ALKBH6: variants seen among roughly 807,000 people sequenced by gnomAD.
ALKBH6 encodes the protein alkB homolog 6, nucleotide demethylase.
A neutral mutation model predicts 25.1 loss-of-function variants in ALKBH6; 20 were observed. The ratio of observed to expected loss-of-function variants is 0.80; its 90% CI spans 0.56 to 1.16. ALKBH6 has a LOEUF of 1.16. Among genes scored for constraint, ALKBH6 ranks in the 50% most tolerant of loss-of-function variants. ALKBH6 has a pLI of 0.00. For missense variants in ALKBH6, 263 were observed against 326.5 expected, an observed-to-expected ratio of 0.81 and a Z score of 1.50; for synonymous variants, 156 against 147.5, an observed-to-expected ratio of 1.06 and a Z score of -0.42.
At chr19:36,009,637 C>G in intron 6 of ALKBH6, 84 bp from the exon 7 acceptor site, 3 of 1,032,802 alleles carry the variant, frequency 2.9e-6, no homozygotes, top group Non-Finnish European at 3.7e-6. Context: ...CGGGGATCAG[C>G]TAGTCCCCAG....
rs776737494 is a variant in ALKBH6 at position 36,010,520 on chromosome 19, G to A, written c.453+47C>T. 10 of 1,506,262 alleles carry A rather than the reference G, an allele frequency of 6.6e-6. No homozygotes were observed. The highest frequency in any genetic ancestry group is 5.7e-5 in the South Asian group (5 of 87,694). The allele number at this position is 1,506,262 out of a possible 1,614,324, so 93.3% of individuals were successfully genotyped here. On this transcript the variant is annotated intron_variant, in intron 6 of 6. Transcript: ENST00000378875. This position sits in a 1 kb window ranked among gnomAD's most constrained non-coding sequence, Gnocchi z 5.5. Reference sequence around the variant, plus strand: ...GACCAGGTCATCTTGGAGGATGTGCGAGGTTGAAGTGCCTACAAGCAGCTG... The same window carrying A: ...GACCAGGTCATCTTGGAGGATGTGCAAGGTTGAAGTGCCTACAAGCAGCTG...
chr19:36,010,972 C>T lies in ALKBH6; in HGVS notation c.258G>A (p.Val86=). Residue 86 remains valine (V), a synonymous_variant, in exon 5 of 7, where the codon GTG becomes GTA. Coordinates refer to ENST00000378875, the MANE Select transcript of ALKBH6 (RefSeq NM_032878.5). The surrounding 1 kb of genome is among the most constrained non-coding windows in gnomAD (Gnocchi z 5.5). ...GGCCTCCAAAGAGGCTGAGGTTTGACACTTTGTCCACGTAGCGCTGGAGCC... is the reference window on the plus strand; with the variant it reads ...GGCCTCCAAAGAGGCTGAGGTTTGATACTTTGTCCACGTAGCGCTGGAGCC... ...PPWLQRYVDK[V]SNLSLFGGLP... The T allele has an allele frequency of 1.2e-6, 2 of 1,614,056 alleles. No individual in the cohort carries two copies. Among genetic ancestry groups the T allele is most frequent in the South Asian group, 1.1e-5 (1 of 91,078 alleles).
intron 1 of ALKBH6, 66 bp downstream of exon 1, chr19:36,014,108 TC>T: frequency 1.3e-6 from 2 of 1,598,108 alleles, no homozygotes; most frequent in Non-Finnish European, 1.7e-6. Flanking sequence ...TACTCTGGGC[TC>T]CCCCGGATCC....
In ALKBH6 at chr19:36,013,663, C is replaced by T; in HGVS notation, c.-25-241G>A. ...CTCTGTCCACTAAGGGCCCATCCAA[C>T]TACACATATGCCTTCTCAATCCTCC... On this transcript the variant is annotated intron_variant, in intron 1 of 6. Coordinates refer to ENST00000378875, the MANE Select transcript of ALKBH6 (RefSeq NM_032878.5). The surrounding 1 kb of genome is among the most constrained non-coding windows in gnomAD (Gnocchi z 4.6). 2.2e-6 allele frequency: 3 copies of T among 1,368,748 alleles called. No individual in the cohort carries two copies. The highest frequency in any genetic ancestry group is 2.8e-6 in the Non-Finnish European group (3 of 1,059,202). The allele number at this position is 1,368,748 out of a possible 1,614,324, so 84.8% of individuals were successfully genotyped here. A position where few individuals can be genotyped will look rare whatever the true frequency, so the allele number is the denominator to read the frequency against.
In ALKBH6 at chr19:36,011,077, C is replaced by G. The variant is rs1242115201; in HGVS notation, c.185-32G>C. 3.2e-6 allele frequency: 5 copies of G among 1,568,104 alleles called. No homozygotes were observed. In the Admixed American group the frequency reaches 7.5e-5, roughly 23 times the overall value. ...AAGGCAATGGGGTCCTGAGGGCCCCCCTATAGCAATAGATCCCCCATTAGG... is the reference window on the plus strand; with the variant it reads ...AAGGCAATGGGGTCCTGAGGGCCCCGCTATAGCAATAGATCCCCCATTAGG... On this transcript the variant is annotated intron_variant, in intron 4 of 6. Coordinates refer to ENST00000378875, the MANE Select transcript of ALKBH6 (RefSeq NM_032878.5).
At position 36,010,315 on chromosome 19, in the gene ALKBH6, G is replaced by A; in HGVS notation, c.453+252C>T. ...TATCTAAGGATATCAGTGTCTGCTG[G>A]GGAGTCAGGGGTATCCATTCAGCAG... On this transcript the variant is annotated intron_variant, in intron 6 of 6. Transcript: ENST00000378875. The surrounding 1 kb of genome is among the most constrained non-coding windows in gnomAD (Gnocchi z 5.5). 1 of 507,726 alleles carries A rather than the reference G, an allele frequency of 2.0e-6. No homozygotes were observed. Among genetic ancestry groups the A allele is most frequent in the South Asian group, 2.3e-5 (1 of 42,586 alleles). The allele number at this position is 507,726 out of a possible 1,614,324, so 31.5% of individuals were successfully genotyped here.
rs1400985001 is a variant in ALKBH6, at chr19:36,013,532, C to A, written c.-25-110G>T. ...GCCTCACCTCAGCCCTCTTCTGAAA[C>A]GCACTTGGTCTCTAAAATCTGAGTC... On this transcript the variant is annotated intron_variant, in intron 1 of 6. Transcript: ENST00000378875. This position sits in a 1 kb window ranked among gnomAD's most constrained non-coding sequence, Gnocchi z 4.6. 1.3e-5 allele frequency: 20 copies of A among 1,507,712 alleles called. No homozygotes were observed. Among genetic ancestry groups the A allele is most frequent in the Non-Finnish European group, 1.6e-5 (18 of 1,131,018 alleles). The allele number at this position is 1,507,712 out of a possible 1,614,324, so 93.4% of individuals were successfully genotyped here.
At position 36,013,306 on chromosome 19, in the gene ALKBH6, C is replaced by T. The variant is rs371124532; in HGVS notation, c.54+38G>A. ...CCAACCCAAGAACTCAGGAATCAGC[C>T]TGCCTCCTTCACCCTCTGCACCCTG... On this transcript the variant is annotated intron_variant, in intron 2 of 6. Transcript: ENST00000378875. The surrounding 1 kb of genome is among the most constrained non-coding windows in gnomAD (Gnocchi z 4.6). The T allele has an allele frequency of 7.9e-5, 127 of 1,612,290 alleles. No homozygotes were observed. The highest frequency in any genetic ancestry group is 1.0e-4 in the Admixed American group (6 of 59,938).
chr19:36,013,403 C>A lies in ALKBH6; in HGVS notation c.-6G>T, dbSNP rs750561930. On this transcript the variant is annotated 5_prime_UTR_variant, in exon 2 of 7. Transcript: ENST00000378875. This position sits in a 1 kb window ranked among gnomAD's most constrained non-coding sequence, Gnocchi z 4.6. ...CTGGCGTCCTGCTCCTCCATCAACACCAACTCCTTGCACCCAATCCTGTAG... is the reference window on the plus strand; with the variant it reads ...CTGGCGTCCTGCTCCTCCATCAACAACAACTCCTTGCACCCAATCCTGTAG... The A allele has an allele frequency of 9.3e-6, 15 of 1,614,006 alleles. No individual in the cohort carries two copies. The highest frequency in any genetic ancestry group is 1.3e-5 in the Non-Finnish European group (15 of 1,179,954).
Position 36,009,460 on chromosome 19 carries a change from C to T in ALKBH6, c.547G>A (p.Gly183Ser), listed in dbSNP as rs538782058. 5.6e-6 allele frequency: 7 copies of T among 1,247,010 alleles called. No individual in the cohort carries two copies. In the African/African-American group the frequency reaches 6.2e-5, roughly 11 times the overall value. 77.2% of individuals were successfully genotyped at this position (1,247,010 alleles called of 1,614,324 possible). ...GCGTCTACGCGGGCGGCGGCGATGC[C>T]GTGGAGAAGACGCGTGTAGGCGGGG... ...RGPAYTRLLH[G>S]IAAARVDALD... is the part of the protein sequence containing the mutation. Residue 183 changes from glycine (G) to serine (S), a missense_variant, in exon 7 of 7, where the codon GGC becomes AGC. Physicochemically the swap from Gly to Ser is moderately conservative, Grantham distance 56 (BLOSUM62 0). Coordinates refer to ENST00000378875, the MANE Select transcript of ALKBH6 (RefSeq NM_032878.5).
intron 4 of ALKBH6, 84 bp from the exon 5 acceptor site, chr19:36,011,129 G>T: frequency 6.6e-7 from 1 of 1,519,028 alleles, no homozygotes; most frequent in Non-Finnish European, 8.9e-7. Context: ...GAAGCACCCT[G>T]ATCCTCTCAG....
At position 36,013,852 on chromosome 19, in the gene ALKBH6, C is replaced by A; in HGVS notation, c.-26+323G>T. ...AACACTCAGCGACCCCCGCCCCCCACCGAATCCCATTCTGTGCACTCCTGT... is the reference window on the plus strand; with the variant it reads ...AACACTCAGCGACCCCCGCCCCCCAACGAATCCCATTCTGTGCACTCCTGT... On this transcript the variant is annotated intron_variant, in intron 1 of 6. Transcript: ENST00000378875. This position sits in a 1 kb window ranked among gnomAD's most constrained non-coding sequence, Gnocchi z 4.6. The A allele has an allele frequency of 7.6e-7, 1 of 1,309,178 alleles. No homozygotes were observed. The allele number at this position is 1,309,178 out of a possible 1,614,324, so 81.1% of individuals were successfully genotyped here.
At chr19:36,012,966 T>C (rs775194215) in intron 3 of ALKBH6, 55 bp downstream of exon 3, 2 of 1,522,678 alleles carry the variant, frequency 1.3e-6, no homozygotes, top group Non-Finnish European at 9.1e-7. Context: ...AGGATGGACA[T>C]TGGGGAGGAA....
rs1968664289 is a variant in ALKBH6 at position 36,013,187 on chromosome 19, G to A, written c.55-98C>T. 4.9e-6 allele frequency: 7 copies of A among 1,441,964 alleles called. No homozygotes were observed. Among genetic ancestry groups the A allele is most frequent in the Middle Eastern group, 1.8e-4 (1 of 5,684 alleles). The allele number at this position is 1,441,964 out of a possible 1,614,324, so 89.3% of individuals were successfully genotyped here. On this transcript the variant is annotated intron_variant, in intron 2 of 6. Coordinates refer to ENST00000378875, the MANE Select transcript of ALKBH6 (RefSeq NM_032878.5). The surrounding 1 kb of genome is among the most constrained non-coding windows in gnomAD (Gnocchi z 4.6). ...CTATGCCTGGAGACAGGCTCAGGATGTCCTCAGACAGGTCAGGGTCTAAAG... is the reference window on the plus strand; with the variant it reads ...CTATGCCTGGAGACAGGCTCAGGATATCCTCAGACAGGTCAGGGTCTAAAG...
At position 36,013,270 on chromosome 19, in the gene ALKBH6, AG is replaced by A. The variant is rs1968667174; in HGVS notation, c.54+73del. The A allele has an allele frequency of 1.3e-6, 2 of 1,578,860 alleles. No individual in the cohort carries two copies. The highest frequency in any genetic ancestry group is 2.7e-5 in the African/African-American group (2 of 74,056). On this transcript the variant is annotated intron_variant, in intron 2 of 6. Transcript: ENST00000378875. This position sits in a 1 kb window ranked among gnomAD's most constrained non-coding sequence, Gnocchi z 4.6. ...TGACAGTAAGAATGAATTTGGTGGA[AG>A]GGGGCAGTCCCAACCCAAGAACTCA...
chr19:36,011,085 A>C, intron 4 of ALKBH6, 40 bp from the exon 5 acceptor site: 2 of 1,561,010 alleles, frequency 1.3e-6, no homozygotes, highest in South Asian at 1.2e-5. Context: ...CCCCTATAGC[A>C]ATAGATCCCC....
Position 36,013,638 on chromosome 19 carries a change from C to T in ALKBH6, c.-25-216G>A. On this transcript the variant is annotated intron_variant, in intron 1 of 6. Coordinates refer to ENST00000378875, the MANE Select transcript of ALKBH6 (RefSeq NM_032878.5). The surrounding 1 kb of genome is among the most constrained non-coding windows in gnomAD (Gnocchi z 4.6). ...GAGCCCCAAGAATAATCCCCCATTA[C>T]TCTGTCCACTAAGGGCCCATCCAAC... The T allele has an allele frequency of 4.3e-6, 6 of 1,394,876 alleles. No homozygotes were observed. The highest frequency in any genetic ancestry group is 5.6e-6 in the Non-Finnish European group (6 of 1,073,852). 86.4% of individuals were successfully genotyped at this position (1,394,876 alleles called of 1,614,324 possible).
Position 36,010,718 on chromosome 19 carries a change from A to G in ALKBH6, c.337-35T>C. ...GGGCACCAGGGCTGGGCAGGGCAGGAGTCCACAACCCCCACCCTCTGGGTC... is the reference window on the plus strand; with the variant it reads ...GGGCACCAGGGCTGGGCAGGGCAGGGGTCCACAACCCCCACCCTCTGGGTC... On this transcript the variant is annotated intron_variant, in intron 5 of 6. Coordinates refer to ENST00000378875, the MANE Select transcript of ALKBH6 (RefSeq NM_032878.5). The surrounding 1 kb of genome is among the most constrained non-coding windows in gnomAD (Gnocchi z 5.5). The G allele has an allele frequency of 1.3e-6, 2 of 1,598,262 alleles. No individual in the cohort carries two copies. Among genetic ancestry groups the G allele is most frequent in the Non-Finnish European group, 1.7e-6 (2 of 1,166,436 alleles).
At position 36,013,346 on chromosome 19, in the gene ALKBH6, G is replaced by C; in HGVS notation, c.52C>G (p.Gln18Glu). The C allele has an allele frequency of 6.2e-7, 1 of 1,613,956 alleles. No homozygotes were observed. The highest frequency in any genetic ancestry group is 1.1e-5 in the South Asian group (1 of 91,078). ...TCTGCACCCTGAGTTCTGACAACCTGCTCCACTCTGAACGGTTCCAGGGCT... is the reference window on the plus strand; with the variant it reads ...TCTGCACCCTGAGTTCTGACAACCTCCTCCACTCTGAACGGTTCCAGGGCT... The part of the protein sequence containing the change: ...VPALEPFRVE[Q>E]APPVIYYVPD... The change falls in exon 2 of 7, where the codon CAG (glutamine) becomes GAG (glutamate). Residue 18 changes from glutamine to glutamate, a missense_variant and splice_region_variant. Gln to Glu is a conservative substitution (Grantham distance 29). Transcript: ENST00000378875. This position sits in a 1 kb window ranked among gnomAD's most constrained non-coding sequence, Gnocchi z 4.6.
Sources: gnomAD v4.1 joint callset for allele counts on GRCh38, gnomAD v4.1.1 for gene constraint, Gnocchi (gnomAD v3.1) non-coding constraint, MANE v1.5 for transcripts, NCBI Gene and HGNC (gene_info 2026-07-23, HGNC 2026-07-21) for gene names.